EXOC6B: variants seen among roughly 807,000 people sequenced by gnomAD.
EXOC6B encodes exocyst complex component 6B, also known as SEC15 homolog B.
Under a neutral mutation model 113.5 loss-of-function variants are expected in EXOC6B, and 54 were observed. The ratio of observed to expected loss-of-function variants is 0.48; its 90% CI spans 0.38 to 0.60. EXOC6B has a LOEUF of 0.60. Ranked by LOEUF, EXOC6B falls within the 20% of genes least tolerant of loss-of-function variation. The probability of loss-of-function intolerance (pLI) is 0.00; values close to 1 mark genes in which losing one functional copy is unlikely to be tolerated. For missense variants in EXOC6B, 797 were observed against 977.5 expected (o/e 0.82, Z 2.46); for synonymous variants, 357 against 339.0 (o/e 1.05, Z -0.58).
At chr2:72,782,799 T>C (rs1438150845) in intron 1 of EXOC6B, among the ~76,000 whole-genome samples, 1 of 152,238 alleles carries the variant, frequency 6.6e-6, no homozygotes. Context: ...GGCCTGGGCT[T>C]AATTCACTCA....
At chr2:72,184,223 C>T in intron 20 of EXOC6B, 36 bp from the exon 21 acceptor site, 1 of 1,169,810 alleles carries the variant, frequency 8.5e-7, no homozygotes, top group Non-Finnish European at 1.2e-6. Context: ...AGGGATTAGT[C>T]AGACAGACAA....
intron 18 of EXOC6B, among the ~76,000 whole-genome samples, chr2:72,455,496 A>T (rs958690130): frequency 6.6e-6 from 1 of 152,180 alleles, no homozygotes; most frequent in Non-Finnish European, 1.5e-5. Flanking sequence ...AACATAGCTT[A>T]GTGCTTCTCA....
chr2:72,341,579 T>C (rs959105250), intron 19 of EXOC6B, among the ~76,000 whole-genome samples: 5 of 152,100 alleles, frequency 3.3e-5, no homozygotes, highest in Admixed American at 1.3e-4. Flanking sequence ...GGACCTAACA[T>C]TGGAATACTT....
chr2:72,468,193 G>T (rs1698175509), intron 17 of EXOC6B, among the ~76,000 whole-genome samples: 2 of 151,434 alleles, frequency 1.3e-5, no homozygotes, highest in Admixed American at 1.3e-4. Flanking sequence ...TGTGCTTTTG[G>T]GGTCATAGCT....
chr2:72,227,928 C>T (rs1002415), intron 20 of EXOC6B, among the ~76,000 whole-genome samples: 7,413 of 152,010 alleles, frequency 0.049, 203 homozygotes, highest in African/African-American at 0.062. Context: ...ATGTTATTCA[C>T]CAGGCCAAGA....
intron 6 of EXOC6B, among the ~76,000 whole-genome samples, chr2:72,663,285 C>T (rs1675153036): frequency 6.6e-6 from 1 of 152,078 alleles, no homozygotes; most frequent in Non-Finnish European, 1.5e-5. Context: ...CAAAAGTGTA[C>T]ATATGTATAA....
intron 6 of EXOC6B, among the ~76,000 whole-genome samples, chr2:72,654,478 A>G (rs1283594762): frequency 3.3e-5 from 5 of 152,228 alleles, no homozygotes; most frequent in African/African-American, 7.2e-5. Flanking sequence ...GTGTTGCAGA[A>G]GAGAGGGAGA....
chr2:72,437,407 G>T (rs7563738), intron 18 of EXOC6B, among the ~76,000 whole-genome samples: 57,790 of 152,218 alleles, frequency 0.38, 16,653 homozygotes, highest in African/African-American at 0.81. Context: ...AGTCTGTTCC[G>T]TAGCAGAACT....
intron 6 of EXOC6B, among the ~76,000 whole-genome samples, chr2:72,579,337 C>T (rs1430314095): frequency 3.9e-5 from 6 of 152,208 alleles, no homozygotes; most frequent in African/African-American, 1.2e-4. Context: ...AGTAAAGCAC[C>T]TCAGTGTATA....
chr2:72,549,633 G>A (rs568380851), intron 8 of EXOC6B, among the ~76,000 whole-genome samples: 5 of 152,256 alleles, frequency 3.3e-5, no homozygotes, highest in South Asian at 2.1e-4. Flanking sequence ...GTGAATATCC[G>A]AAAGGTTCTG....
chr2:72,807,424 C>T (rs11126382), intron 1 of EXOC6B, among the ~76,000 whole-genome samples: 41,535 of 151,940 alleles, frequency 0.27, 7,367 homozygotes, highest in African/African-American at 0.5. Flanking sequence ...GTTACTGAAT[C>T]CCTGTAGTAT....
chr2:72,517,063 G>A (rs1043524106), intron 8 of EXOC6B, among the ~76,000 whole-genome samples: 1 of 152,114 alleles, frequency 6.6e-6, no homozygotes, highest in Non-Finnish European at 1.5e-5. Flanking sequence ...ACTAGTCATG[G>A]AAAGACACTA....
intron 18 of EXOC6B, among the ~76,000 whole-genome samples, chr2:72,386,984 T>C (rs979069009): frequency 3.9e-5 from 6 of 152,194 alleles, no homozygotes; most frequent in Admixed American, 6.5e-5. Context: ...AAGTATTCAG[T>C]CTTTCATCAT....
At chr2:72,547,300 T>TA (rs901924364) in intron 8 of EXOC6B, among the ~76,000 whole-genome samples, 1 of 152,216 alleles carries the variant, frequency 6.6e-6, no homozygotes, top group Non-Finnish European at 1.5e-5. Flanking sequence ...GGGGGATTGC[T>TA]AAAAATGTCC....
chr2:72,527,266 A>T (rs1316297918), intron 8 of EXOC6B, among the ~76,000 whole-genome samples: 2 of 152,058 alleles, frequency 1.3e-5, no homozygotes, highest in Non-Finnish European at 2.9e-5. Context: ...ATTTTAAAAC[A>T]TACAGTTAAG....
chr2:72,403,584 G>C (rs1005767369), intron 18 of EXOC6B, among the ~76,000 whole-genome samples: 4 of 152,274 alleles, frequency 2.6e-5, no homozygotes, highest in Non-Finnish European at 5.9e-5. Context: ...TGTAGTCCTA[G>C]ATAAGAGACT....
chr2:72,259,875 A>G (rs1031641852), intron 20 of EXOC6B, among the ~76,000 whole-genome samples: 3 of 151,902 alleles, frequency 2.0e-5, no homozygotes, highest in African/African-American at 7.3e-5. Context: ...ACATGGAGAA[A>G]CCCTGTCTCT....
At chr2:72,821,945 G>A (rs1026324214) in intron 1 of EXOC6B, among the ~76,000 whole-genome samples, 1 of 152,100 alleles carries the variant, frequency 6.6e-6, no homozygotes, top group African/African-American at 2.4e-5. Context: ...TGGGTAAATT[G>A]TATGATACAT....
In EXOC6B at chr2:72,370,576, G is replaced by A. The variant is rs200153900; in HGVS notation, c.2122+9153C>T. Among the ~76,000 whole-genome samples, 14 of 152,134 alleles carry A rather than the reference G, an allele frequency of 9.2e-5. No homozygotes were observed. The South Asian group carries it at 1.7e-3, about 18-fold the overall frequency. ...ACACATGCACATGTATGTTTATTGC[G>A]GCACTACTCACAATGGCAAAGACTT... On this transcript the variant is annotated intron_variant, in intron 19 of 21. Transcript: ENST00000272427.
Sources: allele counts gnomAD v4.1 joint callset (sites outside exome capture counted in the v4.1 genomes callset), GRCh38; gene constraint gnomAD v4.1.1; transcripts MANE v1.5; gene names NCBI Gene and HGNC (gene_info 2026-07-23, HGNC 2026-07-21).